CASC3: variants seen among roughly 807,000 people sequenced by gnomAD.
CASC3 encodes CASC3 exon junction complex subunit.
In CASC3, 30 loss-of-function variants were observed where a neutral mutation model predicts 80.5. That is an observed-to-expected ratio of 0.37 (90% CI 0.28 to 0.51). CASC3 has a LOEUF of 0.51. Ranked by LOEUF, CASC3 falls within the 20% of genes least tolerant of loss-of-function variation. The probability of loss-of-function intolerance (pLI) is 0.94; values close to 1 mark genes in which losing one functional copy is unlikely to be tolerated. For synonymous variants in CASC3, 312 were observed against 333.6 expected, an observed-to-expected ratio of 0.94 and a Z score of 0.70; for missense variants, 824 against 922.2, an observed-to-expected ratio of 0.89 and a Z score of 1.38.
intron 5 of CASC3, among the ~76,000 whole-genome samples, 198 bp from the exon 6 acceptor site, chr17:40,162,526 TA>T (rs2145175868): frequency 6.6e-6 from 1 of 152,312 alleles, no homozygotes; most frequent in East Asian, 1.9e-4. Context: ...GTGTCTGTTA[TA>T]TTTGAGCCCA....
chr17:40,142,493 C>T (rs922157524), intron 3 of CASC3, among the ~76,000 whole-genome samples: 5 of 152,142 alleles, frequency 3.3e-5, no homozygotes, highest in African/African-American at 9.7e-5. Flanking sequence ...CCACAGGGGC[C>T]GGGAGCAGTG....
At chr17:40,166,229 T>A (rs1449005644) in intron 7 of CASC3, among the ~76,000 whole-genome samples, 1 of 152,206 alleles carries the variant, frequency 6.6e-6, no homozygotes, top group African/African-American at 2.4e-5. Flanking sequence ...TCCCTTAGTC[T>A]GAAATCTAAC....
chr17:40,156,815 G>A (rs1989158458), intron 3 of CASC3, among the ~76,000 whole-genome samples: 1 of 152,162 alleles, frequency 6.6e-6, no homozygotes. Flanking sequence ...CAAGGCAGGA[G>A]GATCACTTGA....
chr17:40,171,155 T>A lies in CASC3; in HGVS notation c.*750T>A. 1 of 985,842 alleles carries A rather than the reference T, an allele frequency of 1.0e-6. No individual in the cohort carries two copies. The highest frequency in any genetic ancestry group is 1.1e-4 in the East Asian group (1 of 8,944). 61.1% of individuals were successfully genotyped at this position (985,842 alleles called of 1,614,324 possible). ...TAGGAGCCCTTCTCTTTGACTTAGGTTTTTAGGAGTCTGAGCATCCATCAA... is the reference window on the plus strand; with the variant it reads ...TAGGAGCCCTTCTCTTTGACTTAGGATTTTAGGAGTCTGAGCATCCATCAA... On this transcript the variant is annotated 3_prime_UTR_variant, in exon 14 of 14. Transcript: ENST00000264645.
intron 3 of CASC3, among the ~76,000 whole-genome samples, chr17:40,152,770 T>C (rs1989044109): frequency 6.6e-6 from 1 of 151,636 alleles, no homozygotes. Context: ...TGACCAAGTA[T>C]ACAGTACGCT....
chr17:40,144,048 T>C (rs1988790137), intron 3 of CASC3, among the ~76,000 whole-genome samples: 1 of 151,980 alleles, frequency 6.6e-6, no homozygotes, highest in African/African-American at 2.4e-5. Flanking sequence ...GGTCAGGAGT[T>C]CGAGACTAGC....
chr17:40,160,823 G>A (rs545032278), intron 3 of CASC3, among the ~76,000 whole-genome samples: 3 of 151,912 alleles, frequency 2.0e-5, no homozygotes, highest in East Asian at 1.9e-4. Flanking sequence ...CGCCTGCCTC[G>A]GCCTCCCAAA....
At position 40,171,629 on chromosome 17, in the gene CASC3, T is replaced by C. The variant is rs1004976126; in HGVS notation, c.*1224T>C. ...CACCTTCTGGGCAAGGGCTCCTATC[T>C]TTCCTCCCTATCCATGGCACTAAAC... On this transcript the variant is annotated 3_prime_UTR_variant, in exon 14 of 14. Coordinates refer to ENST00000264645, the MANE Select transcript of CASC3 (RefSeq NM_007359.5). 1 of 993,748 alleles carries C rather than the reference T, an allele frequency of 1.0e-6. No homozygotes were observed. Among genetic ancestry groups the C allele is most frequent in the Non-Finnish European group, 1.2e-6 (1 of 834,736 alleles). 61.6% of individuals were successfully genotyped at this position (993,748 alleles called of 1,614,324 possible). A position where few individuals can be genotyped will look rare whatever the true frequency, so the allele number is the denominator to read the frequency against.
chr17:40,165,299 A>G (rs1989420877), intron 7 of CASC3, among the ~76,000 whole-genome samples: 1 of 150,856 alleles, frequency 6.6e-6, no homozygotes, highest in African/African-American at 2.4e-5. Flanking sequence ...TCCTGACCTT[A>G]AGTGATCGAC....
Position 40,170,896 on chromosome 17 carries a change from A to C in CASC3, c.*491A>C. On this transcript the variant is annotated 3_prime_UTR_variant, in exon 14 of 14. Transcript: ENST00000264645. ...CCCTGCCTTTAAATGAAACAAGTCT[A>C]GTCTTCTGGTTTTCTAGCCCCTCTG... The C allele has an allele frequency of 1.0e-6, 1 of 985,288 alleles. No individual in the cohort carries two copies. The highest frequency in any genetic ancestry group is 1.2e-6 in the Non-Finnish European group (1 of 829,888). The allele number at this position is 985,288 out of a possible 1,614,324, so 61.0% of individuals were successfully genotyped here. A position where few individuals can be genotyped will look rare whatever the true frequency, so the allele number is the denominator to read the frequency against.
At chr17:40,165,993 TC>T (rs1424428791) in intron 7 of CASC3, among the ~76,000 whole-genome samples, 2 of 152,076 alleles carry the variant, frequency 1.3e-5, no homozygotes, top group African/African-American at 4.8e-5. Flanking sequence ...GGTCTTGAAC[TC>T]CTGGGCTCAA....
intron 3 of CASC3, among the ~76,000 whole-genome samples, chr17:40,142,317 C>T (rs981111972): frequency 6.6e-6 from 1 of 152,198 alleles, no homozygotes; most frequent in Non-Finnish European, 1.5e-5. Flanking sequence ...GGAAGTCAGA[C>T]AAACATTCAA....
At chr17:40,152,779 C>CTAT (rs989384468) in intron 3 of CASC3, among the ~76,000 whole-genome samples, 5 of 150,990 alleles carry the variant, frequency 3.3e-5, no homozygotes, top group Middle Eastern at 3.5e-3. Flanking sequence ...ATACAGTACG[C>CTAT]TATTATTATT....
Position 40,169,322 on chromosome 17 carries a change from A to T in CASC3, c.1966-2A>T. ...TTCTTCTCCTGGCTTGTGGGGTCCC[A>T]GGCCCCATCACAGGTATATGGAGGA... On this transcript the variant is annotated splice_acceptor_variant, in intron 11 of 13. Coordinates refer to ENST00000264645, the MANE Select transcript of CASC3 (RefSeq NM_007359.5). LOFTEE classifies it high-confidence loss of function. 6.3e-7 allele frequency: 1 copy of T among 1,578,974 alleles called. No individual in the cohort carries two copies.
intron 3 of CASC3, among the ~76,000 whole-genome samples, chr17:40,157,705 A>G (rs891311860): frequency 1.3e-5 from 2 of 152,118 alleles, no homozygotes; most frequent in Non-Finnish European, 2.9e-5. Flanking sequence ...TAAAATATAA[A>G]GGACACCTAT....
At chr17:40,154,331 A>G (rs1376899431) in intron 3 of CASC3, among the ~76,000 whole-genome samples, 1 of 151,952 alleles carries the variant, frequency 6.6e-6, no homozygotes, top group African/African-American at 2.4e-5. Flanking sequence ...GACTATAGGC[A>G]TCAGCCACCA....
intron 3 of CASC3, among the ~76,000 whole-genome samples, chr17:40,159,276 CTATAGACTAAAA>C (rs1989228763): frequency 6.6e-6 from 1 of 152,044 alleles, no homozygotes; most frequent in Non-Finnish European, 1.5e-5. Context: ...TTCTCATTAT[CTATAGACTAAAA>C]TATACATCTC....
chr17:40,168,352 A>G lies in CASC3; in HGVS notation c.1900A>G (p.Ser634Gly). 1.9e-6 allele frequency: 3 copies of G among 1,614,060 alleles called. No individual in the cohort carries two copies. Among genetic ancestry groups the G allele is most frequent in the South Asian group, 2.2e-5 (2 of 91,068 alleles). Residue 634 changes from serine to glycine, a missense_variant, in exon 11 of 14, where the codon AGT becomes GGT. Transcript: ENST00000264645. The stretch of plus-strand genomic sequence containing the variant: ...AGGCGTCATGAACTTTGGTAATCCC[A>G]GTTACCCTTATGCTCCAGGGGCACT... ...APGVMNFGNP[S>G]YPYAPGALPP...
chr17:40,147,012 A>T (rs1422468330), intron 3 of CASC3, among the ~76,000 whole-genome samples: 1 of 152,206 alleles, frequency 6.6e-6, no homozygotes, highest in Non-Finnish European at 1.5e-5. Context: ...GGAGAAACTG[A>T]CAGGCAATAT....
Sources: gnomAD v4.1 joint callset for allele counts (sites outside exome capture counted in the v4.1 genomes callset) on GRCh38, gnomAD v4.1.1 for gene constraint, MANE v1.5 for transcripts, NCBI Gene and HGNC (gene_info 2026-07-23, HGNC 2026-07-21) for gene names.